The following SEPTIN9 variants were observed in gnomAD, a reference collection of about 807,000 sequenced individuals.
SEPTIN9 encodes the protein septin 9.
SEPTIN9 carries 13 observed loss-of-function variants against 56.6 expected under a neutral mutation model. The observed-to-expected ratio is 0.23, with a 90% confidence interval of 0.15 to 0.37. The LOEUF is 0.37. Among genes scored for constraint, SEPTIN9 ranks in the 10% least tolerant of loss-of-function variants. The probability of loss-of-function intolerance (pLI) is 1.00; values close to 1 mark genes in which losing one functional copy is unlikely to be tolerated. For synonymous variants in SEPTIN9, 332 were observed against 334.1 expected, an observed-to-expected ratio of 0.99 and a Z score of 0.07; for missense variants, 650 against 823.1, an observed-to-expected ratio of 0.79 and a Z score of 2.57.
At position 77,451,160 on chromosome 17, in the gene SEPTIN9, C is replaced by A. The variant is rs1485757593; in HGVS notation, c.722-30984C>A. ...GGTCCCTGGGAGCCTCTTCCCCTCT[C>A]TTCTTCCTAGCAGCTCCCCCTCACT... is the stretch of plus-strand genomic sequence containing the variant. On this transcript the variant is annotated intron_variant, in intron 3 of 11. Transcript: ENST00000427177. The surrounding 1 kb of genome is among the most constrained non-coding windows in gnomAD (Gnocchi z 4.2). The A allele has an allele frequency of 6.3e-6, 1 of 159,594 alleles. No individual in the cohort carries two copies. Among genetic ancestry groups the A allele is most frequent in the Non-Finnish European group, 1.3e-5 (1 of 74,742 alleles). 9.9% of individuals were successfully genotyped at this position (159,594 alleles called of 1,614,324 possible).
chr17:77,292,913 G>A (rs936037696), intron 1 of SEPTIN9, among the ~76,000 whole-genome samples: 10 of 152,310 alleles, frequency 6.6e-5, no homozygotes, highest in African/African-American at 2.4e-4. Flanking sequence ...CTGTTCATCT[G>A]CTCACCTTTC....
intron 2 of SEPTIN9, among the ~76,000 whole-genome samples, chr17:77,393,002 C>T (rs1344408299): frequency 6.6e-6 from 1 of 152,188 alleles, no homozygotes; most frequent in Non-Finnish European, 1.5e-5. Context: ...CCGGAGCCTG[C>T]TCCACCTGCC....
intron 2 of SEPTIN9, among the ~76,000 whole-genome samples, chr17:77,337,180 A>T (rs2033582461): frequency 6.6e-6 from 1 of 151,806 alleles, no homozygotes. Flanking sequence ...TTTAATTTTT[A>T]AAATTTTTTG....
intron 1 of SEPTIN9, among the ~76,000 whole-genome samples, chr17:77,300,767 C>T (rs1260556077): frequency 9.7e-6 from 1 of 103,440 alleles, no homozygotes; most frequent in Admixed American, 1.0e-4. Flanking sequence ...ATCCCAGGCT[C>T]AAAGCGCCCC....
intron 3 of SEPTIN9, among the ~76,000 whole-genome samples, chr17:77,480,469 C>T (rs972451317): frequency 6.6e-6 from 1 of 152,230 alleles, no homozygotes; most frequent in African/African-American, 2.4e-5. Flanking sequence ...GTTCTTGCCC[C>T]GCAAGTGGAA....
At chr17:77,360,364 A>G (rs1232992596) in intron 2 of SEPTIN9, among the ~76,000 whole-genome samples, 1 of 152,188 alleles carries the variant, frequency 6.6e-6, no homozygotes, top group African/African-American at 2.4e-5. Context: ...CCAGGGAAGA[A>G]TAAGCCGTAG....
intron 2 of SEPTIN9, among the ~76,000 whole-genome samples, chr17:77,380,430 C>A (rs918764784): frequency 6.6e-6 from 1 of 151,926 alleles, no homozygotes; most frequent in Admixed American, 6.6e-5. Flanking sequence ...GAATATCCCC[C>A]TACAGCCTTT....
In SEPTIN9 at chr17:77,450,895, C is replaced by G. The variant is rs1340631127; in HGVS notation, c.722-31249C>G. Reference sequence around the variant, plus strand: ...GGGGACAAACCCAGGTGGCTGTGTTCCAGCCCTGGCTGCAGGTCTGAATGG... The same window carrying G: ...GGGGACAAACCCAGGTGGCTGTGTTGCAGCCCTGGCTGCAGGTCTGAATGG... On this transcript the variant is annotated intron_variant, in intron 3 of 11. Coordinates refer to ENST00000427177, the MANE Select transcript of SEPTIN9 (RefSeq NM_001113491.2). The surrounding 1 kb of genome is among the most constrained non-coding windows in gnomAD (Gnocchi z 6.0). The G allele has an allele frequency of 2.6e-6, 2 of 773,428 alleles. No homozygotes were observed. Among genetic ancestry groups the G allele is most frequent in the African/African-American group, 3.8e-5 (2 of 53,130 alleles). The allele number at this position is 773,428 out of a possible 1,614,324, so 47.9% of individuals were successfully genotyped here.
At position 77,433,336 on chromosome 17, in the gene SEPTIN9, C is replaced by T. The variant is rs991424902; in HGVS notation, c.721+30633C>T. On this transcript the variant is annotated intron_variant, in intron 3 of 11. Transcript: ENST00000427177. The surrounding 1 kb of genome is among the most constrained non-coding windows in gnomAD (Gnocchi z 6.4). ...CATTGCCTGAGACCCGACCTGGTGG[C>T]TCCTGCCCCAAGGAGCAGAAAGGGG... Among the ~76,000 whole-genome samples the T allele has an allele frequency of 1.3e-5, 2 of 152,124 alleles. No homozygotes were observed. The highest frequency in any genetic ancestry group is 4.8e-5 in the African/African-American group (2 of 41,424).
intron 2 of SEPTIN9, among the ~76,000 whole-genome samples, chr17:77,355,981 C>CAGAAAAAAAAA (rs2034222179): frequency 1.1e-5 from 1 of 92,414 alleles, no homozygotes; most frequent in East Asian, 4.7e-4. Flanking sequence ...GACTCCGTCT[C>CAGAAAAAAAAA]AAAAAAAAAA....
chr17:77,494,454 CACAAGTCTCTTAA>C (rs568344825), intron 10 of SEPTIN9, among the ~76,000 whole-genome samples: 119 of 152,346 alleles, frequency 7.8e-4, no homozygotes, highest in Non-Finnish European at 1.4e-3. Flanking sequence ...GAGCAGGAAG[CACAAGTCTCTTAA>C]TCTTCCAGGG....
intron 3 of SEPTIN9, among the ~76,000 whole-genome samples, chr17:77,477,312 C>T (rs1162955135): frequency 6.6e-6 from 1 of 152,184 alleles, no homozygotes; most frequent in Non-Finnish European, 1.5e-5. Context: ...CAGTCACTCC[C>T]CCTCCCCCAG....
chr17:77,331,244 C>G (rs969921885), intron 2 of SEPTIN9, among the ~76,000 whole-genome samples: 4 of 152,144 alleles, frequency 2.6e-5, no homozygotes, highest in Non-Finnish European at 4.4e-5. Context: ...GAATGATTGA[C>G]TTCAGCATGT....
chr17:77,354,795 C>T (rs1466401918), intron 2 of SEPTIN9, among the ~76,000 whole-genome samples: 2 of 152,020 alleles, frequency 1.3e-5, no homozygotes, highest in South Asian at 2.1e-4. Context: ...GCAATCGTGA[C>T]GCCTGCTTGT....
At chr17:77,477,177 A>AT (rs1340030236) in intron 3 of SEPTIN9, among the ~76,000 whole-genome samples, 2 of 145,122 alleles carry the variant, frequency 1.4e-5, no homozygotes, top group Non-Finnish European at 3.0e-5. Flanking sequence ...TATAATTTCC[A>AT]TATTACACCA....
intron 2 of SEPTIN9, among the ~76,000 whole-genome samples, chr17:77,315,767 C>T (rs1363444194): frequency 6.6e-6 from 1 of 152,222 alleles, no homozygotes; most frequent in Non-Finnish European, 1.5e-5. Flanking sequence ...TGCCGCTGAG[C>T]CCCACTTTGC....
intron 2 of SEPTIN9, among the ~76,000 whole-genome samples, chr17:77,392,530 TCAGTAACCTTTGGC>T (rs56815762): frequency 0.29 from 44,428 of 151,792 alleles, 7,515 homozygotes; most frequent in East Asian, 0.63. Context: ...GCCTGGGCAG[TCAGTAACCTTTGGC>T]CACCAAGCTG....
At chr17:77,489,140 G>A (rs2039922708) in intron 7 of SEPTIN9, among the ~76,000 whole-genome samples, 1 of 152,202 alleles carries the variant, frequency 6.6e-6, no homozygotes, top group Non-Finnish European at 1.5e-5. Flanking sequence ...GAGCCTGGTG[G>A]TCTGTGTCCT....
At position 77,390,826 on chromosome 17, in the gene SEPTIN9, C is replaced by T. The variant is rs193241022; in HGVS notation, c.77-11233C>T. On this transcript the variant is annotated intron_variant, in intron 2 of 11. Transcript: ENST00000427177. Reference sequence around the variant, plus strand: ...TCCAAGACCTTGCTCTGGTGGGGCACAATTCTGGCCCCAGGTAGGGCGACC... The same window carrying T: ...TCCAAGACCTTGCTCTGGTGGGGCATAATTCTGGCCCCAGGTAGGGCGACC... Among the ~76,000 whole-genome samples, 244 of 152,260 alleles carry T rather than the reference C, an allele frequency of 1.6e-3. 2 individuals carry two copies. The highest frequency in any genetic ancestry group is 5.1e-3 in the African/African-American group (213 of 41,548).
Sources: allele counts gnomAD v4.1 joint callset (sites outside exome capture counted in the v4.1 genomes callset), GRCh38; gene constraint gnomAD v4.1.1; non-coding constraint Gnocchi (gnomAD v3.1); transcripts MANE v1.5; gene names NCBI Gene and HGNC (gene_info 2026-07-23, HGNC 2026-07-21).